TIMM44: variants seen among roughly 807,000 people sequenced by gnomAD.
The protein encoded by TIMM44 is mitochondrial import inner membrane translocase subunit TIM44.
In TIMM44, 37 loss-of-function variants were observed where a neutral mutation model predicts 63.8. The observed-to-expected ratio is 0.58, with a 90% CI of 0.45 to 0.76. The LOEUF is 0.76. Ranked by LOEUF, TIMM44 falls within the 30% of genes least tolerant of loss-of-function variation. The pLI, the probability that TIMM44 is intolerant of heterozygous loss-of-function variation, is 0.00. For missense variants in TIMM44, 573 were observed against 603.8 expected, an observed-to-expected ratio of 0.95 and a Z score of 0.54; for synonymous variants, 239 against 245.1, an observed-to-expected ratio of 0.98 and a Z score of 0.23.
In TIMM44 at chr19:7,933,755, G is replaced by A. The variant is rs1984055207; in HGVS notation, c.683+109C>T. The A allele has an allele frequency of 5.8e-6, 9 of 1,538,840 alleles. No homozygotes were observed. The highest frequency in any genetic ancestry group is 8.0e-6 in the Non-Finnish European group (9 of 1,119,726). On this transcript the variant is annotated intron_variant, in intron 6 of 12. Transcript: ENST00000270538. The surrounding 1 kb of genome is among the most constrained non-coding windows in gnomAD (Gnocchi z 4.3). Reference sequence around the variant, plus strand: ...GGGAGCCGGGAACCTTGGGCAGAAGGCAAACTCAAGAAACGGACTCAGGAG... The same window carrying A: ...GGGAGCCGGGAACCTTGGGCAGAAGACAAACTCAAGAAACGGACTCAGGAG...
chr19:7,936,672 AATT>A (rs1353062203), intron 3 of TIMM44, among the ~76,000 whole-genome samples: 1 of 152,168 alleles, frequency 6.6e-6, no homozygotes, highest in East Asian at 1.9e-4. Flanking sequence ...GAGAAGTGAC[AATT>A]AATAATGACA....
intron 3 of TIMM44, among the ~76,000 whole-genome samples, chr19:7,937,541 C>T (rs1348370812): frequency 2.6e-5 from 4 of 152,218 alleles, no homozygotes; most frequent in Non-Finnish European, 5.9e-5. Flanking sequence ...GGTCTCATGG[C>T]AGAACCCAGA....
chr19:7,926,763 T>C lies in TIMM44; in HGVS notation c.*424A>G, dbSNP rs1026104470. On this transcript the variant is annotated 3_prime_UTR_variant, in exon 13 of 13. Coordinates refer to ENST00000270538, the MANE Select transcript of TIMM44 (RefSeq NM_006351.4). The stretch of plus-strand genomic sequence containing the variant: ...TTTTATTCTTTCCAAATCTCAGGCT[T>C]ATGCACAAGATGGAAGAGCACTGTT... 1.6e-5 allele frequency: 4 copies of C among 257,226 alleles called. No individual in the cohort carries two copies. Among genetic ancestry groups the C allele is most frequent in the Non-Finnish European group, 2.3e-5 (3 of 128,132 alleles). 15.9% of individuals were successfully genotyped at this position (257,226 alleles called of 1,614,324 possible).
chr19:7,927,065 TGGCAGAGCTGGG>T lies in TIMM44; in HGVS notation c.*110_*121del, dbSNP rs1983827981. 1 of 1,424,566 alleles carries T rather than the reference TGGCAGAGCTGGG, an allele frequency of 7.0e-7. No homozygotes were observed. Among genetic ancestry groups the T allele is most frequent in the African/African-American group, 1.4e-5 (1 of 70,874 alleles). 88.2% of individuals were successfully genotyped at this position (1,424,566 alleles called of 1,614,324 possible). A position where few individuals can be genotyped will look rare whatever the true frequency, so the allele number is the denominator to read the frequency against. On this transcript the variant is annotated 3_prime_UTR_variant, in exon 13 of 13. Coordinates refer to ENST00000270538, the MANE Select transcript of TIMM44 (RefSeq NM_006351.4). ...GGGCCAGCTGGTCTTGCAGCCGTCCTGGCAGAGCTGGGGGCAGAGCCCGCAGTCTTGTTCCCA... is the reference window on the plus strand; with the variant it reads ...GGGCCAGCTGGTCTTGCAGCCGTCCTGGCAGAGCCCGCAGTCTTGTTCCCA...
chr19:7,942,992 A>G (rs912582316), intron 1 of TIMM44, among the ~76,000 whole-genome samples: 1 of 147,318 alleles, frequency 6.8e-6, no homozygotes, highest in African/African-American at 2.5e-5. Context: ...GTGAGCCGAG[A>G]TCGCGCCATT....
At chr19:7,930,724 G>A (rs1983956595) in intron 10 of TIMM44, among the ~76,000 whole-genome samples, 1 of 152,172 alleles carries the variant, frequency 6.6e-6, no homozygotes, top group Non-Finnish European at 1.5e-5. Context: ...GAAAGCATAG[G>A]CCACCGTGCC....
rs1431385681 is a variant in TIMM44 at position 7,928,232 on chromosome 19, G to A, written c.1039-66C>T. ...GGTGGGCACCACGCCACACAGAGCT[G>A]CTGCCCACACACCCTGGCGCCCAGG... On this transcript the variant is annotated intron_variant, in intron 10 of 12. Transcript: ENST00000270538. The A allele has an allele frequency of 2.2e-6, 3 of 1,387,406 alleles. No individual in the cohort carries two copies. The East Asian group carries it at 7.3e-5, about 34-fold the overall frequency. The allele number at this position is 1,387,406 out of a possible 1,614,324, so 85.9% of individuals were successfully genotyped here.
intron 3 of TIMM44, 91 bp from the exon 4 acceptor site, chr19:7,935,236 G>T: frequency 8.6e-7 from 1 of 1,161,664 alleles, no homozygotes; most frequent in Non-Finnish European, 1.2e-6. Flanking sequence ...CACGCTCTCG[G>T]CTCACTGCAA....
In TIMM44 at chr19:7,937,882, G is replaced by A. The variant is rs1244942840; in HGVS notation, c.312+145C>T. ...AAAATACAAAAATTAGCTGGGCGTG[G>A]TGGTGCGCGCCTGTAAGCCCAGCTA... On this transcript the variant is annotated intron_variant, in intron 3 of 12. Transcript: ENST00000270538. 5.3e-6 allele frequency: 5 copies of A among 939,322 alleles called. No individual in the cohort carries two copies. In the Admixed American group the frequency reaches 5.5e-5, roughly 10 times the overall value. The allele number at this position is 939,322 out of a possible 1,614,324, so 58.2% of individuals were successfully genotyped here.
rs1411909029 is a variant in TIMM44 at position 7,932,890 on chromosome 19, G to A, written c.812C>T (p.Ala271Val). ...MKMKYDESDN[A>V]FIRASRALTD... ...AAGGGCCCGGGATGCCCGGATGAAC[G>A]CGTTGTCGCTTTCGTCATACTTCAT... The change falls in exon 8 of 13, where the codon GCG becomes GTG. Residue 271 changes from alanine (A) to valine (V), a missense_variant. Coordinates refer to ENST00000270538, the MANE Select transcript of TIMM44 (RefSeq NM_006351.4). The A allele has an allele frequency of 8.1e-6, 13 of 1,614,084 alleles. No individual in the cohort carries two copies. Among genetic ancestry groups the A allele is most frequent in the Middle Eastern group, 1.6e-4 (1 of 6,084 alleles).
chr19:7,941,640 T>C (rs1984315298), intron 1 of TIMM44, among the ~76,000 whole-genome samples: 1 of 151,738 alleles, frequency 6.6e-6, no homozygotes, highest in Non-Finnish European at 1.5e-5. Context: ...CACTCTGTAA[T>C]CTTCCCAAAG....
intron 2 of TIMM44, among the ~76,000 whole-genome samples, chr19:7,938,861 T>C (rs1180452412): frequency 6.6e-6 from 1 of 152,092 alleles, no homozygotes; most frequent in Admixed American, 6.6e-5. Context: ...GCTCTCAAGC[T>C]GTGAAAAGAC....
chr19:7,942,233 C>G (rs1049809448), intron 1 of TIMM44, among the ~76,000 whole-genome samples: 5 of 152,116 alleles, frequency 3.3e-5, no homozygotes, highest in African/African-American at 1.2e-4. Context: ...TGTAGTCCCA[C>G]ACACCTGTAG....
chr19:7,940,411 C>T (rs1305903292), intron 2 of TIMM44, among the ~76,000 whole-genome samples: 1 of 152,046 alleles, frequency 6.6e-6, no homozygotes, highest in East Asian at 1.9e-4. Context: ...GACTCTTGGG[C>T]TACAAACCAT....
chr19:7,928,522 T>C (rs1362384196), intron 10 of TIMM44: 1 of 274,574 alleles, frequency 3.6e-6, no homozygotes, highest in East Asian at 9.0e-5. Context: ...AATCTTGGCC[T>C]GAGATCAAAC....
At chr19:7,941,673 G>A (rs2145182656) in intron 1 of TIMM44, among the ~76,000 whole-genome samples, 1 of 152,014 alleles carries the variant, frequency 6.6e-6, no homozygotes, top group South Asian at 2.1e-4. Flanking sequence ...GCAGAAGCTG[G>A]TGGAAAGAGA....
At position 7,933,501 on chromosome 19, in the gene TIMM44, G is replaced by C. The variant is rs118048213; in HGVS notation, c.753C>G (p.Asn251Lys). 0.031 allele frequency: 49,889 copies of C among 1,613,942 alleles called. 955 individuals carry two copies. The highest frequency in any genetic ancestry group is 0.059 in the Middle Eastern group (355 of 6,062). ...TTCACTCACGGTTAAACACCACGTT[G>C]TTCTCCTTGAAGTCCTTCCACTGCT... is the stretch of plus-strand genomic sequence containing the variant. ...WYQQWKDFKE[N>K]NVVFNRFFEM... is the part of the protein sequence containing the mutation. Residue 251 changes from asparagine to lysine, a missense_variant, in exon 7 of 13, where the codon AAC (asparagine) becomes AAG (lysine). Asn to Lys is a moderately conservative substitution (Grantham distance 94, BLOSUM62 0). Coordinates refer to ENST00000270538, the MANE Select transcript of TIMM44 (RefSeq NM_006351.4). This position sits in a 1 kb window ranked among gnomAD's most constrained non-coding sequence, Gnocchi z 4.3.
intron 3 of TIMM44, among the ~76,000 whole-genome samples, chr19:7,936,754 G>C (rs1015684685): frequency 6.6e-6 from 1 of 152,138 alleles, no homozygotes; most frequent in Admixed American, 6.6e-5. Flanking sequence ...GATCACTTGA[G>C]GCCAGGAGTT....
In TIMM44 at chr19:7,934,451, CGAGCACACCGGCACCCCCAGAGCCAT is replaced by C. The variant is rs1291182088; in HGVS notation, c.394-239_394-214del. On this transcript the variant is annotated intron_variant, in intron 4 of 12. Transcript: ENST00000270538. This position sits in a 1 kb window ranked among gnomAD's most constrained non-coding sequence, Gnocchi z 5.3. ...GAGCACACCGCCACCCCCAGAGCCA[CGAGCACACCGGCACCCCCAGAGCCAT>C]GAGCACACCGGCACCCCCAGAGCCA... 0.062 allele frequency among the ~76,000 whole-genome samples: 9,008 copies of C among 145,872 alleles called. 405 individuals are homozygous for C. Among genetic ancestry groups the C allele is most frequent in the Admixed American group, 0.12 (1,749 of 14,768 alleles).
Sources: allele counts gnomAD v4.1 joint callset (sites outside exome capture counted in the v4.1 genomes callset), GRCh38; gene constraint gnomAD v4.1.1; non-coding constraint Gnocchi (gnomAD v3.1); transcripts MANE v1.5; gene names NCBI Gene and HGNC (gene_info 2026-07-23, HGNC 2026-07-21).